The following SNX10 variants were observed in gnomAD, a reference collection of about 807,000 sequenced individuals.
The protein encoded by SNX10 is sorting nexin 10.
Under a neutral mutation model 28.5 loss-of-function variants are expected in SNX10, and 25 were observed. The observed-to-expected ratio is 0.88, with a 90% CI of 0.64 to 1.22. The LOEUF is 1.22. Ranked by LOEUF, SNX10 falls within the 50% of genes most tolerant of loss-of-function variation. The pLI, the probability that SNX10 is intolerant of heterozygous loss-of-function variation, is 0.00. For synonymous variants in SNX10, 62 were observed against 81.4 expected (o/e 0.76, Z 1.28); for missense variants, 223 against 242.6 (o/e 0.92, Z 0.54).
intron 1 of SNX10, among the ~76,000 whole-genome samples, chr7:26,329,268 C>T (rs1787632338): frequency 6.6e-6 from 1 of 152,204 alleles, no homozygotes; most frequent in African/African-American, 2.4e-5. Context: ...ATATACCAGG[C>T]TCTTTCGGCC....
At chr7:26,350,281 A>G (rs1419038917) in intron 2 of SNX10, among the ~76,000 whole-genome samples, 1 of 152,190 alleles carries the variant, frequency 6.6e-6, no homozygotes, top group African/African-American at 2.4e-5. Flanking sequence ...CCTGAGTAGG[A>G]CAGGCCGAAG....
At chr7:26,332,418 T>C (rs943899288) in intron 1 of SNX10, among the ~76,000 whole-genome samples, 26 of 152,214 alleles carry the variant, frequency 1.7e-4, no homozygotes, top group African/African-American at 6.3e-4. Flanking sequence ...TTGCTTGTTA[T>C]TGAGTGGGGT....
At chr7:26,369,732 T>C (rs1193786565) in intron 5 of SNX10, among the ~76,000 whole-genome samples, 2 of 152,146 alleles carry the variant, frequency 1.3e-5, no homozygotes, top group South Asian at 2.1e-4. Flanking sequence ...CAGATGGCAG[T>C]ATTGAGCAGA....
chr7:26,317,422 G>A (rs1231066451), intron 1 of SNX10, among the ~76,000 whole-genome samples: 3 of 152,134 alleles, frequency 2.0e-5, no homozygotes, highest in African/African-American at 7.2e-5. Flanking sequence ...TGTAAAATGG[G>A]TGATTGTGAG....
In SNX10 at chr7:26,373,818, T is replaced by G; in HGVS notation, c.*1246T>G. The stretch of plus-strand genomic sequence containing the variant: ...GAGGCTACTACAAAAAGCAACCTTT[T>G]CATTTTCACTAAGAGTTTAAAAGCT... On this transcript the variant is annotated 3_prime_UTR_variant, in exon 7 of 7. Coordinates refer to ENST00000338523, the MANE Select transcript of SNX10 (RefSeq NM_013322.3). This position sits in a 1 kb window ranked among gnomAD's most constrained non-coding sequence, Gnocchi z 4.2. 1 of 152,044 alleles carries G rather than the reference T, an allele frequency of 6.6e-6. No homozygotes were observed. Among genetic ancestry groups the G allele is most frequent in the East Asian group, 1.9e-4 (1 of 5,204 alleles). 9.4% of individuals were successfully genotyped at this position (152,044 alleles called of 1,614,324 possible). A position where few individuals can be genotyped will look rare whatever the true frequency, so the allele number is the denominator to read the frequency against.
intron 1 of SNX10, among the ~76,000 whole-genome samples, chr7:26,299,550 C>T (rs1004184693): frequency 6.6e-6 from 1 of 151,562 alleles, no homozygotes; most frequent in African/African-American, 2.4e-5. Flanking sequence ...TCTGCCTTAG[C>T]CTCCCCAGTA....
At chr7:26,341,946 T>TCCCTC (rs1244558244) in intron 1 of SNX10, among the ~76,000 whole-genome samples, 2 of 147,012 alleles carry the variant, frequency 1.4e-5, no homozygotes, top group Non-Finnish European at 3.0e-5. Flanking sequence ...TCCCTTCCCT[T>TCCCTC]CCCTCCCCTC....
intron 3 of SNX10, among the ~76,000 whole-genome samples, chr7:26,362,881 A>G (rs1789134875): frequency 6.6e-6 from 1 of 152,202 alleles, no homozygotes; most frequent in South Asian, 2.1e-4. Context: ...TGAAGGACTT[A>G]TGGATCGACC....
chr7:26,298,918 C>A (rs1204728796), intron 1 of SNX10, among the ~76,000 whole-genome samples: 1 of 152,206 alleles, frequency 6.6e-6, no homozygotes, highest in Non-Finnish European at 1.5e-5. Flanking sequence ...GAGGGCCCCA[C>A]CCTTTTAACC....
chr7:26,371,897 A>G lies in SNX10; in HGVS notation c.388A>G (p.Ile130Val). 5 of 1,613,724 alleles carry G rather than the reference A, an allele frequency of 3.1e-6. No individual in the cohort carries two copies. The highest frequency in any genetic ancestry group is 2.7e-5 in the African/African-American group (2 of 75,022). ...ACAGAGCCATCTGAATTCAGAAGACATTGAGGCGTGTGTTTCTGGGCAGAC... is the reference window on the plus strand; with the variant it reads ...ACAGAGCCATCTGAATTCAGAAGACGTTGAGGCGTGTGTTTCTGGGCAGAC... Reference protein sequence around the residue: ...FLQSHLNSEDIEACVSGQTKY... With the variant: ...FLQSHLNSEDVEACVSGQTKY... Residue 130 changes from isoleucine to valine, a missense_variant, in exon 6 of 7, where the codon ATT becomes GTT. Ile to Val is a conservative substitution (Grantham distance 29, BLOSUM62 3). Coordinates refer to ENST00000338523, the MANE Select transcript of SNX10 (RefSeq NM_013322.3).
At chr7:26,359,754 C>G (rs1474540900) in intron 2 of SNX10, among the ~76,000 whole-genome samples, 2 of 151,740 alleles carry the variant, frequency 1.3e-5, no homozygotes, top group African/African-American at 2.4e-5. Context: ...ACCACCGCTT[C>G]CTGAGTTAAA....
At chr7:26,359,351 C>T (rs1788973669) in intron 2 of SNX10, among the ~76,000 whole-genome samples, 1 of 152,058 alleles carries the variant, frequency 6.6e-6, no homozygotes, top group African/African-American at 2.4e-5. Context: ...ATTTAATTAT[C>T]TGCATGATTC....
chr7:26,321,853 CTT>C (rs2039128877), intron 1 of SNX10, among the ~76,000 whole-genome samples: 3 of 152,100 alleles, frequency 2.0e-5, no homozygotes, highest in Admixed American at 1.3e-4. Flanking sequence ...AAGATATCCT[CTT>C]GAGTCTCAGC....
At chr7:26,366,945 T>C (rs1029867761) in intron 5 of SNX10, among the ~76,000 whole-genome samples, 2 of 152,212 alleles carry the variant, frequency 1.3e-5, no homozygotes, top group Non-Finnish European at 2.9e-5. Context: ...GCTGGTTGTG[T>C]TTGATGCAGA....
intron 1 of SNX10, among the ~76,000 whole-genome samples, chr7:26,309,490 T>C (rs1289107857): frequency 6.6e-6 from 1 of 152,270 alleles, no homozygotes; most frequent in African/African-American, 2.4e-5. Context: ...TGGCCCTTCA[T>C]AGCTAGTGAC....
chr7:26,297,647 T>A (rs1416812532), intron 1 of SNX10, among the ~76,000 whole-genome samples: 1 of 152,114 alleles, frequency 6.6e-6, no homozygotes, highest in Non-Finnish European at 1.5e-5. Context: ...TTTCCTCACA[T>A]CTTTCTTCCT....
chr7:26,358,580 A>T (rs1788919608), intron 2 of SNX10, among the ~76,000 whole-genome samples: 1 of 151,966 alleles, frequency 6.6e-6, no homozygotes, highest in Non-Finnish European at 1.5e-5. Context: ...TCTCTAAAAA[A>T]ATTAAAAAAT....
chr7:26,352,988 GT>G (rs143778431), intron 2 of SNX10, among the ~76,000 whole-genome samples: 20 of 149,500 alleles, frequency 1.3e-4, no homozygotes, highest in African/African-American at 3.7e-4. Context: ...AGAAGAGGAG[GT>G]TTTTTTTTTC....
intron 1 of SNX10, among the ~76,000 whole-genome samples, chr7:26,315,365 C>T (rs1787037245): frequency 6.6e-6 from 1 of 152,068 alleles, no homozygotes; most frequent in African/African-American, 2.4e-5. Flanking sequence ...AGTGTCATAG[C>T]TTTTTAAAAA....
Sources: gnomAD v4.1 joint callset for allele counts (sites outside exome capture counted in the v4.1 genomes callset) on GRCh38, gnomAD v4.1.1 for gene constraint, Gnocchi (gnomAD v3.1) non-coding constraint, MANE v1.5 for transcripts, NCBI Gene and HGNC (gene_info 2026-07-23, HGNC 2026-07-21) for gene names.